CNTNAP2: variants seen among roughly 807,000 people sequenced by gnomAD.
CNTNAP2 encodes the protein contactin-associated protein-like 2.
In CNTNAP2, 98 loss-of-function variants were observed where a neutral mutation model predicts 155.2. That is an observed-to-expected ratio of 0.63 (90% CI 0.54 to 0.75). CNTNAP2 has a LOEUF of 0.75. CNTNAP2 is among the 30% of genes least tolerant of loss of function. CNTNAP2 has a pLI of 0.00. For missense variants in CNTNAP2, 1,727 were observed against 1,688.1 expected, an observed-to-expected ratio of 1.02 and a Z score of -0.40; for synonymous variants, 651 against 631.2, an observed-to-expected ratio of 1.03 and a Z score of -0.47.
At chr7:146,638,962 C>G (rs1308159890) in intron 1 of CNTNAP2, among the ~76,000 whole-genome samples, 1 of 152,124 alleles carries the variant, frequency 6.6e-6, no homozygotes, top group Non-Finnish European at 1.5e-5. Context: ...TACAGCTGTA[C>G]TAATGCTGTA....
rs563365742 is a variant in CNTNAP2, at chr7:148,314,634, G to T, written c.3475+47508G>T. Among the ~76,000 whole-genome samples, 5 of 151,272 alleles carry T rather than the reference G, an allele frequency of 3.3e-5. No homozygotes were observed. The East Asian group carries it at 7.8e-4, about 24-fold the overall frequency. On this transcript the variant is annotated intron_variant, in intron 21 of 23. Coordinates refer to ENST00000361727, the MANE Select transcript of CNTNAP2 (RefSeq NM_014141.6). ...GCCCCCTAGAAAAGCGGTACTTGCC[G>T]CTGAGGGTGAAGGAGAAGGAGTTGG... is the stretch of plus-strand genomic sequence containing the variant.
At chr7:147,278,837 T>G (rs1202455940) in intron 8 of CNTNAP2, among the ~76,000 whole-genome samples, 1 of 151,444 alleles carries the variant, frequency 6.6e-6, no homozygotes, top group Non-Finnish European at 1.5e-5. Context: ...TAATTATTTT[T>G]AAAAGTCTAA....
intron 2 of CNTNAP2, among the ~76,000 whole-genome samples, chr7:146,778,237 AAAG>A (rs1802424172): frequency 1.3e-5 from 2 of 152,196 alleles, no homozygotes; most frequent in South Asian, 4.1e-4. Context: ...TTTTGGAGAG[AAAG>A]TTTATAAATA....
intron 3 of CNTNAP2, among the ~76,000 whole-genome samples, chr7:146,888,049 T>A (rs937297039): frequency 6.6e-6 from 1 of 152,126 alleles, no homozygotes; most frequent in Non-Finnish European, 1.5e-5. Flanking sequence ...ATCTAGCCAA[T>A]GAATTAATCT....
At chr7:147,090,352 T>TGA (rs370171724) in intron 4 of CNTNAP2, among the ~76,000 whole-genome samples, 8 of 144,492 alleles carry the variant, frequency 5.5e-5, no homozygotes, top group Non-Finnish European at 9.2e-5. Context: ...TGTGTGTGTG[T>TGA]TACAATTCTC....
rs141047027 is a variant in CNTNAP2, at chr7:147,462,852, C to T, written c.1671-23083C>T. Among the ~76,000 whole-genome samples, 157 of 152,280 alleles carry T rather than the reference C, an allele frequency of 1.0e-3. 1 individual carries two copies. Among genetic ancestry groups the T allele is most frequent in the African/African-American group, 3.5e-3 (145 of 41,564 alleles). On this transcript the variant is annotated intron_variant, in intron 10 of 23. Coordinates refer to ENST00000361727, the MANE Select transcript of CNTNAP2 (RefSeq NM_014141.6). ...GGAGTGCAGTGGCGCAATCTTGGCT[C>T]ACTGCAAGCTCCGCCTCCCGGGTTC...
chr7:147,257,671 A>C (rs1245465958), intron 8 of CNTNAP2, among the ~76,000 whole-genome samples: 1 of 152,212 alleles, frequency 6.6e-6, no homozygotes, highest in African/African-American at 2.4e-5. Context: ...TGACGCTAGG[A>C]AATTGGGAGT....
intron 18 of CNTNAP2, among the ~76,000 whole-genome samples, chr7:148,212,351 A>G (rs1795566386): frequency 6.6e-6 from 1 of 152,164 alleles, no homozygotes; most frequent in Non-Finnish European, 1.5e-5. Flanking sequence ...TTGAAGGTTA[A>G]CTGTCAACTT....
chr7:148,022,556 G>C (rs1026193559), intron 15 of CNTNAP2, among the ~76,000 whole-genome samples: 1 of 152,064 alleles, frequency 6.6e-6, no homozygotes, highest in Non-Finnish European at 1.5e-5. Context: ...AATAGTCTTA[G>C]TGACCATGGC....
At chr7:148,300,312 T>A (rs1335326544) in intron 21 of CNTNAP2, among the ~76,000 whole-genome samples, 2 of 152,234 alleles carry the variant, frequency 1.3e-5, no homozygotes, top group African/African-American at 4.8e-5. Flanking sequence ...CTCTCTGGAA[T>A]ATATGTAGAA....
chr7:147,037,619 G>A (rs962111209), intron 3 of CNTNAP2, among the ~76,000 whole-genome samples: 9 of 151,904 alleles, frequency 5.9e-5, no homozygotes, highest in Admixed American at 1.3e-4. Context: ...ATGCCACCAT[G>A]CCTGGCTAAT....
intron 13 of CNTNAP2, among the ~76,000 whole-genome samples, chr7:147,882,567 T>C (rs1012957260): frequency 3.3e-5 from 5 of 152,180 alleles, no homozygotes; most frequent in African/African-American, 7.2e-5. Context: ...GCTGGAGACA[T>C]AACTGCCGAC....
chr7:146,652,593 A>T (rs1431001837), intron 1 of CNTNAP2, among the ~76,000 whole-genome samples: 2 of 152,138 alleles, frequency 1.3e-5, no homozygotes. Flanking sequence ...GGTTATTATT[A>T]ATGACTGATG....
intron 8 of CNTNAP2, among the ~76,000 whole-genome samples, chr7:147,266,230 A>G (rs968016935): frequency 6.6e-6 from 1 of 152,204 alleles, no homozygotes; most frequent in Admixed American, 6.5e-5. Flanking sequence ...AAAGCTAAGG[A>G]CCACGATAAA....
intron 1 of CNTNAP2, among the ~76,000 whole-genome samples, chr7:146,679,020 CTT>C (rs1243037623): frequency 6.6e-5 from 10 of 152,054 alleles, no homozygotes; most frequent in Admixed American, 2.6e-4. Flanking sequence ...TTTGTTTTAA[CTT>C]TTAAGTTCAG....
At chr7:147,633,137 C>T (rs1285369162) in intron 12 of CNTNAP2, among the ~76,000 whole-genome samples, 2 of 152,206 alleles carry the variant, frequency 1.3e-5, no homozygotes, top group African/African-American at 4.8e-5. Flanking sequence ...ACATGGTGCC[C>T]AGCATCCCAA....
chr7:146,193,451 C>G (rs941580530), intron 1 of CNTNAP2, among the ~76,000 whole-genome samples: 1 of 152,232 alleles, frequency 6.6e-6, no homozygotes, highest in African/African-American at 2.4e-5. Context: ...CGTGCATTCA[C>G]AGGTTCAGTG....
intron 1 of CNTNAP2, among the ~76,000 whole-genome samples, chr7:146,464,185 CTGTT>C (rs1176975980): frequency 5.2e-4 from 47 of 90,902 alleles, no homozygotes; most frequent in Middle Eastern, 6.0e-3. Context: ...TCCTTTGAAA[CTGTT>C]TTTTTTTTTT....
intron 15 of CNTNAP2, among the ~76,000 whole-genome samples, chr7:148,038,758 T>C (rs983923453): frequency 6.6e-6 from 1 of 151,360 alleles, no homozygotes; most frequent in African/African-American, 2.4e-5. Context: ...CTGACTCCAT[T>C]AAAGCAAGTA....
Sources: gnomAD v4.1 joint callset for allele counts (sites outside exome capture counted in the v4.1 genomes callset) on GRCh38, gnomAD v4.1.1 for gene constraint, MANE v1.5 for transcripts, NCBI Gene and HGNC (gene_info 2026-07-23, HGNC 2026-07-21) for gene names.